Variants in DRC1 observed in about 807,000 individuals in gnomAD.
The protein encoded by DRC1 is dynein regulatory complex subunit 1.
DRC1 carries 74 observed loss-of-function variants against 98.7 expected under a neutral mutation model. The ratio of observed to expected loss-of-function variants is 0.75; its 90% CI spans 0.62 to 0.91. The LOEUF is 0.91. Ranked by LOEUF, DRC1 falls within the 40% of genes least tolerant of loss-of-function variation. The probability of loss-of-function intolerance (pLI) is 0.00; values close to 1 mark genes in which losing one functional copy is unlikely to be tolerated. For synonymous variants in DRC1, 336 were observed against 334.1 expected (o/e 1.01, Z -0.06); for missense variants, 875 against 886.0 (o/e 0.99, Z 0.16).
intron 3 of DRC1, 102 bp from the exon 4 acceptor site, chr2:26,424,169 T>C: frequency 7.1e-7 from 1 of 1,412,056 alleles, no homozygotes; most frequent in Non-Finnish European, 9.7e-7. Context: ...CAGTGCCTAG[T>C]ACCTGGGTCT....
intron 2 of DRC1, among the ~76,000 whole-genome samples, chr2:26,418,565 TAA>T (rs549101458): frequency 0.017 from 1,876 of 109,132 alleles, 57 homozygotes; most frequent in African/African-American, 0.068. Context: ...AATTTATATA[TAA>T]TATATATTAT....
chr2:26,427,317 C>T (rs1422685142), intron 4 of DRC1, among the ~76,000 whole-genome samples: 3 of 151,944 alleles, frequency 2.0e-5, no homozygotes, highest in African/African-American at 7.3e-5. Context: ...GATTTCACCA[C>T]GTTGCCAAGT....
At chr2:26,410,991 G>A (rs1244616873) in intron 1 of DRC1, among the ~76,000 whole-genome samples, 1 of 152,182 alleles carries the variant, frequency 6.6e-6, no homozygotes, top group African/African-American at 2.4e-5. Context: ...CTAAACCCAG[G>A]TAGACAATCA....
intron 13 of DRC1, among the ~76,000 whole-genome samples, chr2:26,451,923 T>C (rs1473631914): frequency 3.3e-5 from 5 of 152,016 alleles, no homozygotes; most frequent in African/African-American, 1.2e-4. Flanking sequence ...CTGAAATCAA[T>C]AAGAAAAAGA....
At chr2:26,432,088 A>G (rs1011041892) in intron 7 of DRC1, 82 bp downstream of exon 7, 1 of 1,526,738 alleles carries the variant, frequency 6.5e-7, no homozygotes, top group South Asian at 1.2e-5. Flanking sequence ...TTTAGCAACT[A>G]CCTGTGATAT....
intron 1 of DRC1, among the ~76,000 whole-genome samples, chr2:26,403,822 C>T (rs936815928): frequency 2.8e-5 from 4 of 142,126 alleles, no homozygotes; most frequent in African/African-American, 1.1e-4. Context: ...AAAATTGGGC[C>T]GGGCGCAGTG....
chr2:26,453,000 A>G (rs2148006587), intron 13 of DRC1, among the ~76,000 whole-genome samples: 1 of 152,338 alleles, frequency 6.6e-6, no homozygotes, highest in African/African-American at 2.4e-5. Flanking sequence ...AAATTTAACA[A>G]TTAAAGCAAA....
chr2:26,406,884 C>T (rs1572349575), intron 1 of DRC1, among the ~76,000 whole-genome samples: 1 of 141,938 alleles, frequency 7.0e-6, no homozygotes, highest in Middle Eastern at 3.9e-3. Flanking sequence ...GTGGTGTGAC[C>T]TTGGCTCACT....
intron 10 of DRC1, 44 bp from the exon 11 acceptor site, chr2:26,448,647 T>C: frequency 6.3e-7 from 1 of 1,593,436 alleles, no homozygotes; most frequent in Non-Finnish European, 8.6e-7. Flanking sequence ...CTCCAGAAAT[T>C]ATCTTCTTTT....
chr2:26,423,060 G>A (rs930924245), intron 3 of DRC1, among the ~76,000 whole-genome samples: 3 of 152,070 alleles, frequency 2.0e-5, no homozygotes, highest in African/African-American at 7.2e-5. Context: ...ACCAGTAAAC[G>A]TGGGTGACTT....
intron 5 of DRC1, chr2:26,430,395 T>C (rs1663400913): frequency 2.4e-6 from 1 of 412,344 alleles, no homozygotes; most frequent in Non-Finnish European, 5.0e-6. Context: ...CCCTTGTGAG[T>C]TTCATGCTGC....
At chr2:26,450,146 G>T in intron 12 of DRC1, 61 bp downstream of exon 12, 2 of 1,519,972 alleles carry the variant, frequency 1.3e-6, no homozygotes, top group South Asian at 1.2e-5. Flanking sequence ...TTCTCAGATG[G>T]CCCTGCCATT....
At chr2:26,428,752 C>T (rs1029860081) in intron 4 of DRC1, among the ~76,000 whole-genome samples, 1 of 151,532 alleles carries the variant, frequency 6.6e-6, no homozygotes, top group African/African-American at 2.4e-5. Context: ...GGGCCGAGAT[C>T]GAGCCACTAC....
chr2:26,415,802 C>T (rs1221597434), intron 2 of DRC1, among the ~76,000 whole-genome samples: 1 of 152,072 alleles, frequency 6.6e-6, no homozygotes, highest in Non-Finnish European at 1.5e-5. Flanking sequence ...CCTGGTGGCA[C>T]ACGCCTGGGG....
chr2:26,411,317 C>G (rs1678601964), intron 1 of DRC1, among the ~76,000 whole-genome samples: 1 of 152,118 alleles, frequency 6.6e-6, no homozygotes, highest in Admixed American at 6.5e-5. Flanking sequence ...TTATTTAACC[C>G]AATATATAAA....
intron 13 of DRC1, among the ~76,000 whole-genome samples, chr2:26,450,893 G>A (rs1182462482): frequency 3.2e-5 from 3 of 93,386 alleles, no homozygotes; most frequent in East Asian, 3.0e-4. Context: ...CCCACCCCCC[G>A]ACAGGCCCCG....
chr2:26,454,700 A>T lies in DRC1; in HGVS notation c.1973A>T (p.Asp658Val), dbSNP rs961808502. ...VQKNVRDNSK[D>V]SEYWQALTTV... is the part of the protein sequence containing the mutation. ...AAGAATGTGCGTGACAACTCCAAGG[A>T]CTCGGAGTACTGGCAGGCCCTGACC... Residue 658 changes from aspartate to valine, a missense_variant, in exon 15 of 17, where the codon GAC becomes GTC. Transcript: ENST00000288710. This position sits in a 1 kb window ranked among gnomAD's most constrained non-coding sequence, Gnocchi z 5.2. 5 of 1,613,858 alleles carry T rather than the reference A, an allele frequency of 3.1e-6. No individual in the cohort carries two copies. The African/African-American group carries it at 5.3e-5, about 17-fold the overall frequency.
At chr2:26,410,825 C>CAAA (rs1678583946) in intron 1 of DRC1, among the ~76,000 whole-genome samples, 1 of 149,708 alleles carries the variant, frequency 6.7e-6, no homozygotes, top group African/African-American at 2.5e-5. Context: ...CAAAACAAAA[C>CAAA]ACAACAAAAC....
Position 26,424,341 on chromosome 2 carries a change from G to A in DRC1, c.427G>A (p.Glu143Lys), listed in dbSNP as rs1663226917. Residue 143 changes from glutamate (E) to lysine (K), a missense_variant, in exon 4 of 17, where the codon GAG (glutamate) becomes AAG (lysine). By Grantham distance (56) the Glu-to-Lys change is moderately conservative. Transcript: ENST00000288710. ...KFDEITSKWE[E>K]GKQKRIPQEL... ...CGATGAAATCACCTCAAAGTGGGAA[G>A]AGGGCAAGCAGAAGAGAATTCCCCA... is the stretch of plus-strand genomic sequence containing the variant. 6.2e-7 allele frequency: 1 copy of A among 1,613,972 alleles called. No homozygotes were observed. The highest frequency in any genetic ancestry group is 8.5e-7 in the Non-Finnish European group (1 of 1,180,008).
Sources: gnomAD v4.1 joint callset for allele counts (sites outside exome capture counted in the v4.1 genomes callset) on GRCh38, gnomAD v4.1.1 for gene constraint, Gnocchi (gnomAD v3.1) non-coding constraint, MANE v1.5 for transcripts, NCBI Gene and HGNC (gene_info 2026-07-23, HGNC 2026-07-21) for gene names.